The following MREG variants were observed in gnomAD, a reference collection of about 807,000 sequenced individuals.
The protein encoded by MREG is melanoregulin, also known as dilute suppressor protein homolog.
MREG carries 31 observed loss-of-function variants against 28.5 expected under a neutral mutation model. The observed-to-expected ratio is 1.09, with a 90% CI of 0.82 to 1.47. The LOEUF (loss-of-function observed/expected upper bound fraction) is 1.47. Among genes scored for constraint, MREG ranks in the 40% most tolerant of loss-of-function variants. MREG has a pLI of 0.00. For missense variants in MREG, 256 were observed against 257.4 expected (o/e 0.99, Z 0.04); for synonymous variants, 106 against 95.2 (o/e 1.11, Z -0.66).
At chr2:215,989,304 C>G (rs1447129367) in intron 2 of MREG, among the ~76,000 whole-genome samples, 3 of 148,690 alleles carry the variant, frequency 2.0e-5, no homozygotes, top group African/African-American at 7.8e-5. Flanking sequence ...GCAGAGAGGC[C>G]TGACTGTTAG....
At position 216,012,766 on chromosome 2, in the gene MREG, T is replaced by G. The variant is rs140501341; in HGVS notation, c.95+467A>C. ...GCATTTTTTTCATGTGAAAAATATT[T>G]CCTTATACTCAGTCACTGGAATCGT... On this transcript the variant is annotated intron_variant, in intron 1 of 4. Transcript: ENST00000263268. Among the ~76,000 whole-genome samples the G allele has an allele frequency of 1.7e-4, 26 of 152,328 alleles. 1 individual carries two copies. In the East Asian group the frequency reaches 5.0e-3, roughly 29 times the overall value.
intron 1 of MREG, among the ~76,000 whole-genome samples, chr2:215,998,523 T>C (rs1693933660): frequency 6.6e-6 from 1 of 152,102 alleles, no homozygotes; most frequent in Admixed American, 6.5e-5. Flanking sequence ...GGTCTGGGAC[T>C]GAACAAAGTA....
chr2:216,000,379 G>A (rs1559193907), intron 1 of MREG, among the ~76,000 whole-genome samples: 1 of 152,012 alleles, frequency 6.6e-6, no homozygotes, highest in African/African-American at 2.4e-5. Context: ...TACCTGTGTG[G>A]ATGCTCCCTG....
chr2:216,025,684 C>A (rs1414569047), intron 1 of MREG, among the ~76,000 whole-genome samples: 1 of 152,246 alleles, frequency 6.6e-6, no homozygotes, highest in Non-Finnish European at 1.5e-5. Flanking sequence ...CAGCCCTCTT[C>A]AGCAGAGGCT....
At chr2:215,961,933 G>A (rs1161790926) in intron 2 of MREG, among the ~76,000 whole-genome samples, 2 of 152,070 alleles carry the variant, frequency 1.3e-5, no homozygotes, top group Non-Finnish European at 2.9e-5. Flanking sequence ...TATACCATGC[G>A]GAGCCTCAAA....
At chr2:215,942,161 C>T (rs1692205520), downstream of MREG, among the ~76,000 whole-genome samples, 1 of 152,126 alleles carries the variant, frequency 6.6e-6, no homozygotes, top group Admixed American at 6.6e-5. Context: ...TCTCCTGGTG[C>T]ATTTTAAAAT....
chr2:215,983,893 G>A (rs1478221164), intron 2 of MREG, among the ~76,000 whole-genome samples: 1 of 152,166 alleles, frequency 6.6e-6, no homozygotes, highest in Non-Finnish European at 1.5e-5. Context: ...TAGAATTTCT[G>A]TCACTCATTA....
At chr2:215,968,322 G>A (rs897459103) in intron 2 of MREG, among the ~76,000 whole-genome samples, 7 of 152,122 alleles carry the variant, frequency 4.6e-5, no homozygotes, top group African/African-American at 1.7e-4. Context: ...TCAGGTAACA[G>A]AGTAAAAAAG....
rs1244134194 is a variant in MREG at position 216,004,677 on chromosome 2, ACT to A, written c.96-8214_96-8213del. Reference sequence around the variant, plus strand: ...GCTCTAAACTGTAGAGATGAGTATGACTCTGTGTCTTCAAGCTCACAGACAAG... The same window carrying A: ...GCTCTAAACTGTAGAGATGAGTATGACTGTGTCTTCAAGCTCACAGACAAG... On this transcript the variant is annotated intron_variant, in intron 1 of 4. Transcript: ENST00000263268. Among the ~76,000 whole-genome samples the A allele has an allele frequency of 2.6e-5, 4 of 152,176 alleles. No homozygotes were observed. In the South Asian group the frequency reaches 6.2e-4, roughly 24 times the overall value.
At chr2:216,018,069 A>G (rs1163131036), upstream of MREG, among the ~76,000 whole-genome samples, 3 of 152,046 alleles carry the variant, frequency 2.0e-5, no homozygotes, top group Admixed American at 6.5e-5. Context: ...AGGCTGAGGC[A>G]GGAGAATCAC....
chr2:215,943,724 C>T lies in MREG; in HGVS notation c.*1139G>A, dbSNP rs1478499050. The T allele has an allele frequency of 3.2e-6, 1 of 316,794 alleles. No homozygotes were observed. The highest frequency in any genetic ancestry group is 6.3e-6 in the Non-Finnish European group (1 of 159,974). The allele number at this position is 316,794 out of a possible 1,614,324, so 19.6% of individuals were successfully genotyped here. A position where few individuals can be genotyped will look rare whatever the true frequency, so the allele number is the denominator to read the frequency against. Reference sequence around the variant, plus strand: ...GGTGTGGTGGCACGCGCCTGTAGTTCCAGCTACTCCAGAGGCTGAGGCAGG... The same window carrying T: ...GGTGTGGTGGCACGCGCCTGTAGTTTCAGCTACTCCAGAGGCTGAGGCAGG... On this transcript the variant is annotated 3_prime_UTR_variant, in exon 5 of 5. Transcript: ENST00000263268.
At chr2:216,027,649 C>T (rs1303810916) in intron 1 of MREG, among the ~76,000 whole-genome samples, 4 of 152,146 alleles carry the variant, frequency 2.6e-5, no homozygotes, top group African/African-American at 9.7e-5. Context: ...GCCAAGATCA[C>T]ACCACTGCAT....
chr2:215,962,849 A>G (rs979409150), intron 2 of MREG, among the ~76,000 whole-genome samples: 1 of 152,192 alleles, frequency 6.6e-6, no homozygotes, highest in Admixed American at 6.5e-5. Flanking sequence ...GACTTAAGAA[A>G]AAAGGGCCAA....
chr2:215,979,280 A>G (rs1693346058), intron 2 of MREG, among the ~76,000 whole-genome samples: 1 of 152,142 alleles, frequency 6.6e-6, no homozygotes, highest in Admixed American at 6.5e-5. Flanking sequence ...CCTGACCAAC[A>G]TGGAGAAACC....
At chr2:215,950,560 A>G (rs186778643) in intron 2 of MREG, among the ~76,000 whole-genome samples, 1 of 152,314 alleles carries the variant, frequency 6.6e-6, no homozygotes, top group East Asian at 1.9e-4. Context: ...TGGTTGTTAA[A>G]ATTAGTTCAA....
chr2:215,973,374 A>C (rs1205457282), intron 2 of MREG, among the ~76,000 whole-genome samples: 1 of 152,214 alleles, frequency 6.6e-6, no homozygotes, highest in African/African-American at 2.4e-5. Flanking sequence ...CACATGCAGC[A>C]TAAGATGACA....
At chr2:215,993,377 A>G (rs1411928832) in intron 2 of MREG, among the ~76,000 whole-genome samples, 2 of 152,190 alleles carry the variant, frequency 1.3e-5, no homozygotes, top group Non-Finnish European at 2.9e-5. Context: ...TATGCAGAAA[A>G]CTGAAACTGG....
At chr2:216,028,636 T>C (rs1362117086) in intron 1 of MREG, among the ~76,000 whole-genome samples, 8 of 151,798 alleles carry the variant, frequency 5.3e-5, no homozygotes. Context: ...ATAGCTGACA[T>C]AGATTTCCAG....
chr2:216,026,827 A>C (rs1694603573), intron 1 of MREG, among the ~76,000 whole-genome samples: 1 of 152,192 alleles, frequency 6.6e-6, no homozygotes, highest in Non-Finnish European at 1.5e-5. Flanking sequence ...AATAACTAGG[A>C]ATTACTAAAA....
Sources: gnomAD v4.1 joint callset for allele counts (sites outside exome capture counted in the v4.1 genomes callset) on GRCh38, gnomAD v4.1.1 for gene constraint, MANE v1.5 for transcripts, NCBI Gene and HGNC (gene_info 2026-07-23, HGNC 2026-07-21) for gene names.